Variants in CTNNA3 observed in about 807,000 individuals in gnomAD.
The protein encoded by CTNNA3 is catenin alpha 3.
A neutral mutation model predicts 95.7 loss-of-function variants in CTNNA3; 76 were observed. The observed-to-expected ratio is 0.79, with a 90% CI of 0.66 to 0.96. The LOEUF (loss-of-function observed/expected upper bound fraction) is 0.96, where lower values mean the gene tolerates loss of function less well. Among genes scored for constraint, CTNNA3 ranks in the 40% least tolerant of loss-of-function variants. CTNNA3 has a pLI of 0.00. For missense variants in CTNNA3, 1,191 were observed against 1,089.8 expected (o/e 1.09, Z -1.31); for synonymous variants, 431 against 374.4 (o/e 1.15, Z -1.74).
intron 2 of CTNNA3, among the ~76,000 whole-genome samples, chr10:67,641,698 T>C (rs1025199512): frequency 6.6e-6 from 1 of 152,134 alleles, no homozygotes; most frequent in African/African-American, 2.4e-5. Flanking sequence ...TGAGTTCATG[T>C]CCTTTGTAGG....
intron 13 of CTNNA3, among the ~76,000 whole-genome samples, chr10:66,242,624 T>G (rs2090156095): frequency 6.6e-6 from 1 of 152,206 alleles, no homozygotes; most frequent in Non-Finnish European, 1.5e-5. Context: ...TCAAAAGGAC[T>G]GATAACACTA....
At chr10:66,227,374 TG>T (rs1488462943) in intron 13 of CTNNA3, among the ~76,000 whole-genome samples, 16 of 59,476 alleles carry the variant, frequency 2.7e-4, no homozygotes, top group Admixed American at 9.7e-4. Context: ...TGTTAAGAGG[TG>T]TTTTTTTTTT....
chr10:66,452,873 T>C (rs183615969), intron 11 of CTNNA3, among the ~76,000 whole-genome samples: 1 of 152,046 alleles, frequency 6.6e-6, no homozygotes, highest in Admixed American at 6.6e-5. Context: ...ACCCAACTAA[T>C]CAGCATTCCC....
chr10:66,290,923 C>T (rs1416237478), intron 12 of CTNNA3, among the ~76,000 whole-genome samples: 1 of 152,118 alleles, frequency 6.6e-6, no homozygotes. Context: ...AATTGATATT[C>T]TCTTGTGAAA....
intron 7 of CTNNA3, among the ~76,000 whole-genome samples, chr10:66,972,561 G>A (rs571147198): frequency 4.6e-4 from 70 of 151,976 alleles, no homozygotes; most frequent in African/African-American, 1.6e-3. Flanking sequence ...TCATTAACAG[G>A]CCCATCCAGA....
chr10:67,305,147 G>A (rs10823029), intron 5 of CTNNA3, among the ~76,000 whole-genome samples: 34,457 of 151,714 alleles, frequency 0.23, 5,354 homozygotes, highest in African/African-American at 0.43. Context: ...GTGGTGGGGG[G>A]CGCCCGTAGT....
intron 9 of CTNNA3, among the ~76,000 whole-genome samples, chr10:66,734,016 G>C (rs1019164145): frequency 6.6e-6 from 1 of 151,604 alleles, no homozygotes; most frequent in African/African-American, 2.4e-5. Flanking sequence ...AAAAGTACAA[G>C]TTTTATATAA....
intron 5 of CTNNA3, among the ~76,000 whole-genome samples, chr10:67,245,246 A>G (rs192768088): frequency 9.9e-5 from 15 of 152,236 alleles, no homozygotes; most frequent in East Asian, 1.9e-4. Flanking sequence ...TCTTTCCTCA[A>G]AAATAAACTT....
At chr10:67,336,577 A>G (rs1842003828) in intron 5 of CTNNA3, among the ~76,000 whole-genome samples, 1 of 152,238 alleles carries the variant, frequency 6.6e-6, no homozygotes, top group African/African-American at 2.4e-5. Context: ...TTCAGTGTAG[A>G]CAAAACACCC....
chr10:66,754,401 T>C (rs1051301050), intron 9 of CTNNA3, among the ~76,000 whole-genome samples: 12 of 152,088 alleles, frequency 7.9e-5, no homozygotes, highest in African/African-American at 2.9e-4. Context: ...GAGCTAAAAG[T>C]ATAAAACTCA....
chr10:66,272,350 A>G (rs970885861), intron 13 of CTNNA3, among the ~76,000 whole-genome samples: 3 of 152,186 alleles, frequency 2.0e-5, no homozygotes, highest in Admixed American at 6.5e-5. Flanking sequence ...ATGAAAAGCT[A>G]TGAAGTCTTT....
intron 7 of CTNNA3, among the ~76,000 whole-genome samples, chr10:67,031,256 G>A (rs1197506779): frequency 9.2e-5 from 14 of 151,982 alleles, no homozygotes; most frequent in Non-Finnish European, 1.5e-5. Flanking sequence ...TAGTAAAACT[G>A]TTCAACATCA....
At chr10:66,749,681 AG>A (rs1429347308) in intron 9 of CTNNA3, among the ~76,000 whole-genome samples, 2 of 152,130 alleles carry the variant, frequency 1.3e-5, no homozygotes, top group Admixed American at 1.3e-4. Context: ...ATCCATGTGG[AG>A]GTTCTAGTGT....
chr10:66,516,087 C>A (rs1051651128), intron 11 of CTNNA3, among the ~76,000 whole-genome samples: 26 of 125,516 alleles, frequency 2.1e-4, no homozygotes, highest in African/African-American at 7.2e-4. Context: ...AAAAGGTAAC[C>A]CATCTATTCA....
intron 11 of CTNNA3, among the ~76,000 whole-genome samples, chr10:66,458,615 A>G (rs1053842377): frequency 3.9e-5 from 6 of 152,084 alleles, no homozygotes; most frequent in African/African-American, 9.7e-5. Context: ...GGTGACCACT[A>G]TTCTATTTTC....
intron 10 of CTNNA3, among the ~76,000 whole-genome samples, chr10:66,539,972 G>T (rs1027262356): frequency 1.3e-5 from 2 of 152,022 alleles, no homozygotes; most frequent in African/African-American, 2.4e-5. Flanking sequence ...GTTAAATGTT[G>T]TCTTCCCTCC....
At chr10:67,171,574 CA>C (rs753134692) in intron 7 of CTNNA3, among the ~76,000 whole-genome samples, 264 of 131,890 alleles carry the variant, frequency 2.0e-3, no homozygotes, top group Admixed American at 1.9e-3. Flanking sequence ...AACTCTGTCT[CA>C]AAAAAAAAAA....
At chr10:66,871,763 C>T (rs906379485) in intron 7 of CTNNA3, among the ~76,000 whole-genome samples, 7 of 152,064 alleles carry the variant, frequency 4.6e-5, no homozygotes, top group African/African-American at 1.7e-4. Context: ...GAGAACTCAT[C>T]AATAACTGGC....
At chr10:66,979,437 T>C (rs1453160206) in intron 7 of CTNNA3, among the ~76,000 whole-genome samples, 1 of 152,162 alleles carries the variant, frequency 6.6e-6, no homozygotes, top group African/African-American at 2.4e-5. Flanking sequence ...AAAGAAAGAA[T>C]GAAAAATTTA....
Sources: gnomAD v4.1 joint callset for allele counts (sites outside exome capture counted in the v4.1 genomes callset) on GRCh38, gnomAD v4.1.1 for gene constraint, MANE v1.5 for transcripts, NCBI Gene and HGNC (gene_info 2026-07-23, HGNC 2026-07-21) for gene names.